The following DMRTA1 variants were observed in gnomAD, a reference collection of about 807,000 sequenced individuals.
DMRTA1 encodes DMRT like family A1, also known as doublesex- and mab-3-related transcription factor A1.
Under a neutral mutation model 35.2 loss-of-function variants are expected in DMRTA1, and 34 were observed. The observed-to-expected ratio is 0.97, with a 90% CI of 0.74 to 1.29. DMRTA1 has a LOEUF of 1.29. Among genes scored for constraint, DMRTA1 ranks in the 50% most tolerant of loss-of-function variants. The probability of loss-of-function intolerance (pLI) is 0.00; values close to 1 mark genes in which losing one functional copy is unlikely to be tolerated. For missense variants in DMRTA1, 824 were observed against 644.6 expected, an observed-to-expected ratio of 1.28 and a Z score of -3.01; for synonymous variants, 344 against 276.6, an observed-to-expected ratio of 1.24 and a Z score of -2.42.
chr9:22,453,772 TTGG>T lies in DMRTA1; in HGVS notation c.*1864_*1866del, dbSNP rs1818966957. ...CTAAATGGTATTCAGGTTAGATTCC[TTGG>T]TGATTCTTCAGTTGTTTCTATTGCA... On this transcript the variant is annotated 3_prime_UTR_variant, in exon 2 of 2. Coordinates refer to ENST00000325870, the MANE Select transcript of DMRTA1 (RefSeq NM_022160.3). The T allele has an allele frequency of 6.6e-6, 1 of 152,106 alleles. No individual in the cohort carries two copies. Among genetic ancestry groups the T allele is most frequent in the African/African-American group, 2.4e-5 (1 of 41,462 alleles). The allele number at this position is 152,106 out of a possible 1,614,324, so 9.4% of individuals were successfully genotyped here.
chr9:22,451,967 G>A lies in DMRTA1; in HGVS notation c.*56G>A. ...TTTCCAGCATACAATACATGCACGTGCACACACATACACACACATCCATTA... is the reference window on the plus strand; with the variant it reads ...TTTCCAGCATACAATACATGCACGTACACACACATACACACACATCCATTA... On this transcript the variant is annotated 3_prime_UTR_variant, in exon 2 of 2. Transcript: ENST00000325870. The A allele has an allele frequency of 3.2e-6, 5 of 1,580,758 alleles. No homozygotes were observed. Among genetic ancestry groups the A allele is most frequent in the Admixed American group, 1.7e-5 (1 of 58,742 alleles).
At position 22,453,619 on chromosome 9, in the gene DMRTA1, A is replaced by G. The variant is rs1818963703; in HGVS notation, c.*1708A>G. 1 of 152,142 alleles carries G rather than the reference A, an allele frequency of 6.6e-6. No homozygotes were observed. The highest frequency in any genetic ancestry group is 6.5e-5 in the Admixed American group (1 of 15,274). 9.4% of individuals were successfully genotyped at this position (152,142 alleles called of 1,614,324 possible). A position where few individuals can be genotyped will look rare whatever the true frequency, so the allele number is the denominator to read the frequency against. On this transcript the variant is annotated 3_prime_UTR_variant, in exon 2 of 2. Coordinates refer to ENST00000325870, the MANE Select transcript of DMRTA1 (RefSeq NM_022160.3). The stretch of plus-strand genomic sequence containing the variant: ...CTAGCAAGTAGTTGAAATTCAATTC[A>G]TATATACTGAGTAAGAAACTCTTAT...
chr9:22,454,692 A>G lies in DMRTA1; in HGVS notation c.*2781A>G, dbSNP rs1400519359. Reference sequence around the variant, plus strand: ...GGGGGTAAATGCTTTAAGAGCTAGCATATAACAAAAATGAATTGGGTTTAT... The same window carrying G: ...GGGGGTAAATGCTTTAAGAGCTAGCGTATAACAAAAATGAATTGGGTTTAT... On this transcript the variant is annotated 3_prime_UTR_variant, in exon 2 of 2. Transcript: ENST00000325870. The G allele has an allele frequency of 6.6e-6, 1 of 152,222 alleles. No individual in the cohort carries two copies. The highest frequency in any genetic ancestry group is 2.4e-5 in the African/African-American group (1 of 41,456). 9.4% of individuals were successfully genotyped at this position (152,222 alleles called of 1,614,324 possible).
At chr9:22,448,592 A>G (rs947042775) in intron 1 of DMRTA1, among the ~76,000 whole-genome samples, 2 of 143,444 alleles carry the variant, frequency 1.4e-5, no homozygotes, top group African/African-American at 2.7e-5. Flanking sequence ...CAGTGAAAAT[A>G]TCATTGTGAT....
At position 22,454,498 on chromosome 9, in the gene DMRTA1, A is replaced by G. The variant is rs1477694023; in HGVS notation, c.*2587A>G. 1 of 152,208 alleles carries G rather than the reference A, an allele frequency of 6.6e-6. No homozygotes were observed. The highest frequency in any genetic ancestry group is 1.5e-5 in the Non-Finnish European group (1 of 68,018). 9.4% of individuals were successfully genotyped at this position (152,208 alleles called of 1,614,324 possible). On this transcript the variant is annotated 3_prime_UTR_variant, in exon 2 of 2. Coordinates refer to ENST00000325870, the MANE Select transcript of DMRTA1 (RefSeq NM_022160.3). ...GATTAAGATACAAGACTTTGCCTCAAGTTGCTCACGGTCTATATTGTGTGT... is the reference window on the plus strand; with the variant it reads ...GATTAAGATACAAGACTTTGCCTCAGGTTGCTCACGGTCTATATTGTGTGT...
chr9:22,452,680 T>C lies in DMRTA1; in HGVS notation c.*769T>C, dbSNP rs1322794439. On this transcript the variant is annotated 3_prime_UTR_variant, in exon 2 of 2. Coordinates refer to ENST00000325870, the MANE Select transcript of DMRTA1 (RefSeq NM_022160.3). ...AATTAGAAACATTGATTCCGGAGAA[T>C]AACCATTTTTTTTTCAAATAGTCAT... 6.6e-6 allele frequency: 1 copy of C among 152,108 alleles called. No individual in the cohort carries two copies. Among genetic ancestry groups the C allele is most frequent in the Non-Finnish European group, 1.5e-5 (1 of 67,978 alleles). The allele number at this position is 152,108 out of a possible 1,614,324, so 9.4% of individuals were successfully genotyped here.
Position 22,451,946 on chromosome 9 carries a change from C to A in DMRTA1, c.*35C>A. 6.2e-7 allele frequency: 1 copy of A among 1,607,550 alleles called. No homozygotes were observed. Among genetic ancestry groups the A allele is most frequent in the South Asian group, 1.1e-5 (1 of 90,524 alleles). On this transcript the variant is annotated 3_prime_UTR_variant, in exon 2 of 2. Coordinates refer to ENST00000325870, the MANE Select transcript of DMRTA1 (RefSeq NM_022160.3). ...CCATTCTCTCTTTCTGGAGTTTTTC[C>A]AGCATACAATACATGCACGTGCACA...
At position 22,451,635 on chromosome 9, in the gene DMRTA1, A is replaced by G. The variant is rs772020536; in HGVS notation, c.1239A>G (p.Gln413=). 29 of 1,614,110 alleles carry G rather than the reference A, an allele frequency of 1.8e-5. No individual in the cohort carries two copies. In the East Asian group the frequency reaches 4.0e-4, roughly 22 times the overall value. ...LGNKSAFSPL[Q]TTSASYGGDS... ...ATAAATCAGCTTTCTCTCCTCTTCA[A>G]ACTACTTCTGCTTCTTATGGAGGTG... The change falls in exon 2 of 2, where the codon CAA becomes CAG. Residue 413 remains glutamine (Q), a synonymous_variant. Transcript: ENST00000325870.
rs1818938427 is a variant in DMRTA1 at position 22,451,959 on chromosome 9, A to G, written c.*48A>G. The G allele has an allele frequency of 1.9e-6, 3 of 1,597,964 alleles. No individual in the cohort carries two copies. Among genetic ancestry groups the G allele is most frequent in the Non-Finnish European group, 2.6e-6 (3 of 1,171,492 alleles). On this transcript the variant is annotated 3_prime_UTR_variant, in exon 2 of 2. Transcript: ENST00000325870. ...CTGGAGTTTTTCCAGCATACAATAC[A>G]TGCACGTGCACACACATACACACAC...
In DMRTA1 at chr9:22,447,392, C is replaced by G. The variant is rs760179259; in HGVS notation, c.327C>G (p.Leu109=). 2.6e-6 allele frequency: 4 copies of G among 1,552,738 alleles called. No individual in the cohort carries two copies. In the South Asian group the frequency reaches 3.5e-5, roughly 14 times the overall value. ...GTAACCATGGTGTGGTGTCAGCGCT[C>G]AAGGGCCACAAGCGCTTCTGCCGCT... The part of the protein sequence containing the change: ...RCRNHGVVSA[L]KGHKRFCRWR... Residue 109 remains leucine, a synonymous_variant, in exon 1 of 2, where the codon CTC becomes CTG. Transcript: ENST00000325870.
chr9:22,451,796 G>T lies in DMRTA1; in HGVS notation c.1400G>T (p.Arg467Leu), dbSNP rs148090498. The T allele has an allele frequency of 4.3e-6, 7 of 1,613,846 alleles. No individual in the cohort carries two copies. Among genetic ancestry groups the T allele is most frequent in the African/African-American group, 4.0e-5 (3 of 74,962 alleles). The change falls in exon 2 of 2, where the codon CGG becomes CTG. Residue 467 changes from arginine to leucine, a missense_variant. By Grantham distance (102) the Arg-to-Leu change is moderately radical. Transcript: ENST00000325870. ...TPGLVPTLPFRPALDYAFSGM... is the reference protein window; with the variant it reads ...TPGLVPTLPFLPALDYAFSGM... The stretch of plus-strand genomic sequence containing the variant: ...GGGTTAGTACCAACCTTACCTTTTC[G>T]GCCAGCTTTGGATTATGCCTTTTCA...
rs1310584966 is a variant in DMRTA1, at chr9:22,453,969, T to C, written c.*2058T>C. ...GTATGTGGTTTTATAATGATGTGCT[T>C]GTATCTGAGAAACTGAATTGCTTTT... On this transcript the variant is annotated 3_prime_UTR_variant, in exon 2 of 2. Transcript: ENST00000325870. 1 of 152,130 alleles carries C rather than the reference T, an allele frequency of 6.6e-6. No individual in the cohort carries two copies. The highest frequency in any genetic ancestry group is 1.5e-5 in the Non-Finnish European group (1 of 67,964). The allele number at this position is 152,130 out of a possible 1,614,324, so 9.4% of individuals were successfully genotyped here. A position where few individuals can be genotyped will look rare whatever the true frequency, so the allele number is the denominator to read the frequency against.
At position 22,454,048 on chromosome 9, in the gene DMRTA1, A is replaced by G. The variant is rs1481285318; in HGVS notation, c.*2137A>G. 6.6e-6 allele frequency: 1 copy of G among 152,154 alleles called. No homozygotes were observed. The highest frequency in any genetic ancestry group is 2.4e-5 in the African/African-American group (1 of 41,460). 9.4% of individuals were successfully genotyped at this position (152,154 alleles called of 1,614,324 possible). ...GTATTCGAATTTATAAAATAGTTTTATAATCATAAAACTTAATTTATATAA... is the reference window on the plus strand; with the variant it reads ...GTATTCGAATTTATAAAATAGTTTTGTAATCATAAAACTTAATTTATATAA... On this transcript the variant is annotated 3_prime_UTR_variant, in exon 2 of 2. Coordinates refer to ENST00000325870, the MANE Select transcript of DMRTA1 (RefSeq NM_022160.3).
At position 22,446,839 on chromosome 9, in the gene DMRTA1, G is replaced by T; in HGVS notation, c.-227G>T. 1 of 548,074 alleles carries T rather than the reference G, an allele frequency of 1.8e-6. No homozygotes were observed. Among genetic ancestry groups the T allele is most frequent in the Middle Eastern group, 4.8e-4 (1 of 2,100 alleles). 34.0% of individuals were successfully genotyped at this position (548,074 alleles called of 1,614,324 possible). ...CAAAGGCATTAACTTAGCGCCCGGG[G>T]TCTCTGCCAGGCTCACGGGACAGCT... is the stretch of plus-strand genomic sequence containing the variant. On this transcript the variant is annotated 5_prime_UTR_variant, in exon 1 of 2. Transcript: ENST00000325870.
rs1275867942 is a variant in DMRTA1, at chr9:22,447,566, C to T, written c.501C>T (p.Pro167=). ...QRLLCSGLSW[P]PGGRASGGGG... ...TCCTGTGCTCGGGGCTCTCCTGGCC[C>T]CCCGGTGGTCGGGCATCCGGGGGCG... Residue 167 remains proline, a synonymous_variant, in exon 1 of 2, where the codon CCC becomes CCT. Transcript: ENST00000325870. 7 of 1,597,378 alleles carry T rather than the reference C, an allele frequency of 4.4e-6. No homozygotes were observed. The African/African-American group carries it at 8.1e-5, about 18-fold the overall frequency.
rs1587667917 is a variant in DMRTA1, at chr9:22,447,153, C to G, written c.88C>G (p.Pro30Ala). 2.5e-6 allele frequency: 4 copies of G among 1,601,766 alleles called. No homozygotes were observed. The highest frequency in any genetic ancestry group is 1.4e-5 in the African/African-American group (1 of 73,180). The change falls in exon 1 of 2, where the codon CCC becomes GCC. Residue 30 changes from proline to alanine, a missense_variant. Pro to Ala is a conservative substitution (Grantham distance 27, BLOSUM62 -1). Transcript: ENST00000325870. ...APGLVVAAPP[P>A]PSPALPVPSG... ...TGGGCTAGTGGTGGCTGCCCCTCCGCCCCCGTCCCCGGCGTTGCCGGTACC... is the reference window on the plus strand; with the variant it reads ...TGGGCTAGTGGTGGCTGCCCCTCCGGCCCCGTCCCCGGCGTTGCCGGTACC...
At chr9:22,447,896 G>C (rs1044750228) in intron 1 of DMRTA1, among the ~76,000 whole-genome samples, 164 bp downstream of exon 1, 2 of 152,146 alleles carry the variant, frequency 1.3e-5, no homozygotes, top group African/African-American at 4.8e-5. Context: ...GAGAGTGTGA[G>C]AGACCCCATC....
At position 22,451,883 on chromosome 9, in the gene DMRTA1, AC is replaced by A; in HGVS notation, c.1488del (p.Phe497SerfsTer36). On this transcript the variant is annotated frameshift_variant, in exon 2 of 2. Coordinates refer to ENST00000325870, the MANE Select transcript of DMRTA1 (RefSeq NM_022160.3). LOFTEE classifies it high-confidence loss of function. ...GACTCAATAACTTGTGGCAGACTGTACTTCAGACCAAATCAGGACAATCCGT... is the reference window on the plus strand; with the variant it reads ...GACTCAATAACTTGTGGCAGACTGTATTCAGACCAAATCAGGACAATCCGT... ...SKDSITCGRL[Y>X]FRPNQDNP is the part of the protein sequence containing the mutation. 1 of 1,613,920 alleles carries A rather than the reference AC, an allele frequency of 6.2e-7. No homozygotes were observed. The highest frequency in any genetic ancestry group is 1.3e-5 in the African/African-American group (1 of 75,022).
Position 22,447,115 on chromosome 9 carries a change from C to G in DMRTA1, c.50C>G (p.Pro17Arg), listed in dbSNP as rs1335247131. 2 of 1,609,160 alleles carry G rather than the reference C, an allele frequency of 1.2e-6. No individual in the cohort carries two copies. Among genetic ancestry groups the G allele is most frequent in the East Asian group, 2.3e-5 (1 of 44,418 alleles). The change falls in exon 1 of 2, where the codon CCT (proline) becomes CGT (arginine). Residue 17 changes from proline to arginine, a missense_variant. Transcript: ENST00000325870. The stretch of plus-strand genomic sequence containing the variant: ...AGAGACCGAGGCGTTAGCGGCCGAC[C>G]TCACTTGGCCCCTGGGCTAGTGGTG... ...GSRDRGVSGR[P>R]HLAPGLVVAA... is the part of the protein sequence containing the mutation.
Sources: gnomAD v4.1 joint callset for allele counts (sites outside exome capture counted in the v4.1 genomes callset) on GRCh38, gnomAD v4.1.1 for gene constraint, MANE v1.5 for transcripts, NCBI Gene and HGNC (gene_info 2026-07-23, HGNC 2026-07-21) for gene names.